HDAC9: variants seen among roughly 807,000 people sequenced by gnomAD.
HDAC9 encodes the protein MEF-2 interacting transcription repressor (MITR) protein.
Under a neutral mutation model 139.4 loss-of-function variants are expected in HDAC9, and 41 were observed. The ratio of observed to expected loss-of-function variants is 0.29; its 90% CI spans 0.23 to 0.38. The LOEUF (loss-of-function observed/expected upper bound fraction) is 0.38. HDAC9 is among the 10% of genes least tolerant of loss of function. The pLI is 1.00. For synonymous variants in HDAC9, 517 were observed against 476.2 expected, an observed-to-expected ratio of 1.09 and a Z score of -1.12; for missense variants, 1,147 against 1,297.0, an observed-to-expected ratio of 0.88 and a Z score of 1.78.
At chr7:18,531,234 G>A (rs1173926949) in intron 2 of HDAC9, among the ~76,000 whole-genome samples, 1 of 151,876 alleles carries the variant, frequency 6.6e-6, no homozygotes, top group Non-Finnish European at 1.5e-5. Context: ...CTCTTAACTG[G>A]TTTCTAAGTT....
At chr7:18,092,347 G>A (rs2128059684) in intron 1 of HDAC9, among the ~76,000 whole-genome samples, 1 of 152,004 alleles carries the variant, frequency 6.6e-6, no homozygotes, top group African/African-American at 2.4e-5. Context: ...CCATGATCGT[G>A]CCACCATGCT....
At chr7:18,090,807 G>C (rs750855036) in intron 1 of HDAC9, among the ~76,000 whole-genome samples, 60 of 152,164 alleles carry the variant, frequency 3.9e-4, no homozygotes, top group Non-Finnish European at 7.4e-4. Context: ...GAATTATCTA[G>C]TCATTTCTTT....
chr7:18,388,633 C>G (rs748985439), intron 1 of HDAC9, among the ~76,000 whole-genome samples: 114 of 152,130 alleles, frequency 7.5e-4, no homozygotes, highest in Non-Finnish European at 1.4e-3. Flanking sequence ...AATGTAGTTC[C>G]TAACTCTGCT....
At chr7:18,187,052 C>G (rs1045317897) in intron 2 of HDAC9, among the ~76,000 whole-genome samples, 2 of 152,188 alleles carry the variant, frequency 1.3e-5, no homozygotes, top group South Asian at 2.1e-4. Flanking sequence ...ACCCTATGAT[C>G]TTTTCTCAGT....
chr7:18,375,359 C>T (rs966218070), intron 1 of HDAC9, among the ~76,000 whole-genome samples: 8 of 152,068 alleles, frequency 5.3e-5, no homozygotes, highest in Admixed American at 3.3e-4. Flanking sequence ...AATCCCAGTA[C>T]TCAGGAGGCT....
intron 2 of HDAC9, among the ~76,000 whole-genome samples, chr7:18,514,504 G>A (rs1389053436): frequency 1.3e-5 from 2 of 152,160 alleles, no homozygotes; most frequent in Non-Finnish European, 2.9e-5. Flanking sequence ...TTTCAGTTAA[G>A]CACAATAACA....
At chr7:18,311,667 A>T (rs572969499) in intron 1 of HDAC9, among the ~76,000 whole-genome samples, 28 of 152,260 alleles carry the variant, frequency 1.8e-4, no homozygotes, top group African/African-American at 6.3e-4. Context: ...ATTCTGTCTT[A>T]CCTAGTCAGC....
intron 21 of HDAC9, among the ~76,000 whole-genome samples, chr7:18,837,334 G>A (rs900724104): frequency 1.3e-5 from 2 of 151,878 alleles, no homozygotes; most frequent in African/African-American, 2.4e-5. Context: ...AAAAAATTAT[G>A]TTAAAAAACA....
At chr7:18,708,929 T>C (rs1380941781) in intron 12 of HDAC9, among the ~76,000 whole-genome samples, 2 of 151,632 alleles carry the variant, frequency 1.3e-5, no homozygotes, top group African/African-American at 2.4e-5. Flanking sequence ...CCCACACACA[T>C]GCACACACAC....
intron 22 of HDAC9, among the ~76,000 whole-genome samples, chr7:18,901,164 C>G (rs1326871461): frequency 6.7e-6 from 1 of 150,194 alleles, no homozygotes; most frequent in African/African-American, 2.4e-5. Context: ...AATACTGCAA[C>G]AGATCAGACT....
chr7:18,935,874 G>A lies in HDAC9; in HGVS notation c.2869G>A (p.Gly957Arg). The stretch of plus-strand genomic sequence containing the variant: ...TGGACGTGTGGTGTTGGCTCTAGAA[G>A]GAGGACATGATCTCACAGCCATCTG... Reference protein sequence around the residue: ...ADGRVVLALEGGHDLTAICDA... With the variant: ...ADGRVVLALERGHDLTAICDA... Residue 957 changes from glycine to arginine, a missense_variant, in exon 23 of 26, where the codon GGA (glycine) becomes AGA (arginine). Transcript: ENST00000686413. The A allele has an allele frequency of 1.2e-6, 2 of 1,613,772 alleles. No individual in the cohort carries two copies. The highest frequency in any genetic ancestry group is 1.7e-6 in the Non-Finnish European group (2 of 1,179,756).
At chr7:18,984,780 G>A (rs1785197690) in intron 25 of HDAC9, among the ~76,000 whole-genome samples, 1 of 152,176 alleles carries the variant, frequency 6.6e-6, no homozygotes, top group South Asian at 2.1e-4. Flanking sequence ...AGAATTAAGA[G>A]GCGAACATGG....
At chr7:18,581,978 T>C (rs1479739278) in intron 2 of HDAC9, among the ~76,000 whole-genome samples, 1 of 152,220 alleles carries the variant, frequency 6.6e-6, no homozygotes, top group Non-Finnish European at 1.5e-5. Context: ...TGCAAACTTC[T>C]GGTCAATCCA....
chr7:18,595,855 G>A (rs1832325804), intron 6 of HDAC9, among the ~76,000 whole-genome samples: 1 of 152,028 alleles, frequency 6.6e-6, no homozygotes, highest in South Asian at 2.1e-4. Flanking sequence ...CATACTTTGT[G>A]TCCCACTGTT....
Position 18,964,124 on chromosome 7 carries a change from T to G in HDAC9, c.3022+9894T>G, listed in dbSNP as rs564630979. ...CATGATGTATAGCAGTTTGACCTCT[T>G]AGAAACTTACAATTACCAAACCTAA... is the stretch of plus-strand genomic sequence containing the variant. On this transcript the variant is annotated intron_variant, in intron 24 of 25. Transcript: ENST00000686413. Among the ~76,000 whole-genome samples, 37 of 152,264 alleles carry G rather than the reference T, an allele frequency of 2.4e-4. 1 individual carries two copies. Among genetic ancestry groups the G allele is most frequent in the African/African-American group, 8.9e-4 (37 of 41,564 alleles).
chr7:18,869,774 C>T (rs563907594), intron 21 of HDAC9, among the ~76,000 whole-genome samples: 3 of 152,126 alleles, frequency 2.0e-5, no homozygotes, highest in South Asian at 2.1e-4. Flanking sequence ...AAAAAAACAC[C>T]GGTTTAGAGA....
chr7:18,304,893 A>G lies in HDAC9; in HGVS notation c.-42+14378A>G, dbSNP rs931246470. 2.6e-5 allele frequency among the ~76,000 whole-genome samples: 4 copies of G among 152,038 alleles called. No individual in the cohort carries two copies. In the East Asian group the frequency reaches 7.7e-4, roughly 29 times the overall value. ...GATCCATGCTGCCCTGGACGTTCAC[A>G]TATGCCCCCACCCCCACCTCTGCTG... On this transcript the variant is annotated intron_variant, in intron 1 of 3. Coordinates refer to the HDAC9 transcript ENST00000413509.
rs547654465 is a variant in HDAC9 at position 18,894,163 on chromosome 7, C to G, written c.2803+19567C>G. 2.0e-5 allele frequency among the ~76,000 whole-genome samples: 3 copies of G among 152,136 alleles called. 1 individual carries two copies. The South Asian group carries it at 6.2e-4, about 31-fold the overall frequency. ...CCAGAGAGGAATGAGTGGCTCTGAA[C>G]TGAAATGGGGAAAGATGTGGAAAAA... On this transcript the variant is annotated intron_variant, in intron 22 of 25. Coordinates refer to ENST00000686413, the MANE Select transcript of HDAC9 (RefSeq NM_178425.4).
intron 1 of HDAC9, among the ~76,000 whole-genome samples, chr7:18,389,968 A>G (rs1786303371): frequency 1.3e-5 from 2 of 151,954 alleles, no homozygotes; most frequent in South Asian, 4.2e-4. Flanking sequence ...CATGTTCTCC[A>G]TACGCATCAA....
Sources: allele counts gnomAD v4.1 joint callset (sites outside exome capture counted in the v4.1 genomes callset), GRCh38; gene constraint gnomAD v4.1.1; transcripts MANE v1.5; gene names NCBI Gene and HGNC (gene_info 2026-07-23, HGNC 2026-07-21).